Variants in BDP1 observed in about 807,000 individuals in gnomAD.
The protein encoded by BDP1 is BDP1 general transcription factor IIIB subunit.
In BDP1, 169 loss-of-function variants were observed where a neutral mutation model predicts 266.6. The observed-to-expected ratio is 0.63, with a 90% CI of 0.56 to 0.72. The LOEUF (loss-of-function observed/expected upper bound fraction) is 0.72, where lower values mean the gene tolerates loss of function less well. Ranked by LOEUF, BDP1 falls within the 30% of genes least tolerant of loss-of-function variation. The probability of loss-of-function intolerance (pLI) is 0.00; values close to 1 mark genes in which losing one functional copy is unlikely to be tolerated. For synonymous variants in BDP1, 1,090 were observed against 1,022.4 expected, an observed-to-expected ratio of 1.07 and a Z score of -1.26; for missense variants, 3,015 against 3,053.8, an observed-to-expected ratio of 0.99 and a Z score of 0.30.
At chr5:71,562,121 C>G (rs958693562) in intron 37 of BDP1, among the ~76,000 whole-genome samples, 153 bp from the exon 38 acceptor site, 4 of 140,594 alleles carry the variant, frequency 2.8e-5, no homozygotes, top group African/African-American at 1.1e-4. Context: ...TCTCTTGAAC[C>G]TGGGAGGTGG....
At chr5:71,531,303 T>C (rs114002524) in intron 25 of BDP1, among the ~76,000 whole-genome samples, 4 of 152,120 alleles carry the variant, frequency 2.6e-5, no homozygotes, top group African/African-American at 4.8e-5. Flanking sequence ...CCAGACTATA[T>C]TGTATGTATT....
intron 34 of BDP1, among the ~76,000 whole-genome samples, chr5:71,551,389 G>C (rs1172725837): frequency 6.6e-6 from 1 of 152,194 alleles, no homozygotes; most frequent in Non-Finnish European, 1.5e-5. Context: ...TCAACCCTGA[G>C]TGGACACAGC....
intron 25 of BDP1, among the ~76,000 whole-genome samples, chr5:71,524,629 ATTTATTTTTTATTTAT>A (rs1478340364): frequency 5.8e-5 from 8 of 138,890 alleles, no homozygotes; most frequent in South Asian, 2.5e-4. Context: ...TTTTTTATTT[ATTTATTTTTTATTTAT>A]TTTTTTTTAT....
chr5:71,467,089 T>C (rs1011669099), intron 5 of BDP1, among the ~76,000 whole-genome samples: 14 of 152,218 alleles, frequency 9.2e-5, no homozygotes, highest in African/African-American at 3.1e-4. Flanking sequence ...TACCGTTTTA[T>C]AATACGTAGC....
intron 9 of BDP1, 136 bp downstream of exon 9, chr5:71,486,763 G>A (rs947061367): frequency 4.5e-6 from 3 of 670,346 alleles, no homozygotes; most frequent in African/African-American, 3.8e-5. Flanking sequence ...GGGAGTATAT[G>A]TTTTTTCAAT....
chr5:71,467,916 T>A (rs376974113), intron 6 of BDP1, among the ~76,000 whole-genome samples: 2 of 152,116 alleles, frequency 1.3e-5, no homozygotes, highest in African/African-American at 4.8e-5. Context: ...CTTAGCTTAC[T>A]GCAGCCTTGA....
At position 71,532,343 on chromosome 5, in the gene BDP1, C is replaced by G. The variant is rs1766296168; in HGVS notation, c.5808C>G (p.Cys1936Trp). Residue 1936 changes from cysteine (C) to tryptophan (W), a missense_variant, in exon 26 of 39, where the codon TGC (cysteine) becomes TGG (tryptophan). This residue lies in a region of BDP1 where 2,383 missense variants were observed against 2,404.9 expected (regional missense o/e 0.99). Coordinates refer to ENST00000358731, the MANE Select transcript of BDP1 (RefSeq NM_018429.3). Reference sequence around the variant, plus strand: ...CTGTGAATGTCCCAGATGTAGGATGCATAGCTGTTGTTGAACATGAGCTAC... The same window carrying G: ...CTGTGAATGTCCCAGATGTAGGATGGATAGCTGTTGTTGAACATGAGCTAC... ...EITVNVPDVG[C>W]IAVVEHELPN... 6.2e-7 allele frequency: 1 copy of G among 1,613,132 alleles called. No homozygotes were observed.
downstream of BDP1, among the ~76,000 whole-genome samples, chr5:71,570,301 A>G (rs1744224599): frequency 6.6e-6 from 1 of 152,188 alleles, no homozygotes; most frequent in Admixed American, 6.5e-5. Context: ...ATGAATAACC[A>G]TAGTTCTCTC....
chr5:71,546,221 C>CA (rs1401421827), intron 32 of BDP1, among the ~76,000 whole-genome samples: 4 of 152,080 alleles, frequency 2.6e-5, no homozygotes, highest in Non-Finnish European at 5.9e-5. Flanking sequence ...TTAGAAGTTA[C>CA]AAAAATCTTA....
At chr5:71,472,322 G>A (rs556097105) in intron 7 of BDP1, among the ~76,000 whole-genome samples, 4 of 152,256 alleles carry the variant, frequency 2.6e-5, no homozygotes, top group Admixed American at 6.5e-5. Context: ...TTAGCCGGAC[G>A]TGGTGGCGCA....
At chr5:71,548,940 A>G (rs1397639846) in intron 33 of BDP1, among the ~76,000 whole-genome samples, 195 bp downstream of exon 33, 3 of 152,192 alleles carry the variant, frequency 2.0e-5, no homozygotes, top group East Asian at 1.9e-4. Context: ...TCTCCCTAGT[A>G]TATCACCTTT....
intron 26 of BDP1, among the ~76,000 whole-genome samples, chr5:71,534,381 A>G (rs1404737059): frequency 6.6e-6 from 1 of 152,200 alleles, no homozygotes; most frequent in Non-Finnish European, 1.5e-5. Flanking sequence ...CTTATCAAAA[A>G]TCAGCTGACC....
chr5:71,539,977 T>C (rs1385642472), intron 28 of BDP1, among the ~76,000 whole-genome samples: 1 of 152,110 alleles, frequency 6.6e-6, no homozygotes, highest in Non-Finnish European at 1.5e-5. Flanking sequence ...ACTGAGCTCA[T>C]TGATCACTGA....
intron 7 of BDP1, among the ~76,000 whole-genome samples, chr5:71,473,812 A>G (rs188827310): frequency 6.6e-6 from 1 of 151,312 alleles, no homozygotes; most frequent in Non-Finnish European, 1.5e-5. Flanking sequence ...TATATCTCCT[A>G]ATGCTATCCC....
intron 26 of BDP1, among the ~76,000 whole-genome samples, chr5:71,535,198 A>G (rs531375569): frequency 6.6e-6 from 1 of 151,764 alleles, no homozygotes; most frequent in African/African-American, 2.4e-5. Context: ...ATCATAAAAT[A>G]ACAATTTTTT....
intron 7 of BDP1, among the ~76,000 whole-genome samples, chr5:71,471,073 A>T (rs1762213653): frequency 6.6e-6 from 1 of 151,532 alleles, no homozygotes; most frequent in Non-Finnish European, 1.5e-5. Context: ...TGCAACTAAG[A>T]TATAAGAAGA....
At position 71,464,090 on chromosome 5, in the gene BDP1, A is replaced by G. The variant is rs772081735; in HGVS notation, c.632A>G (p.Lys211Arg). ...SSLEQEKKTE[K>R]PSTPVQTREQ... ...CTGGAACAAGAAAAGAAAACTGAAAAGCCATCGACTCCAGTCCAGACAAGA... is the reference window on the plus strand; with the variant it reads ...CTGGAACAAGAAAAGAAAACTGAAAGGCCATCGACTCCAGTCCAGACAAGA... Residue 211 changes from lysine to arginine, a missense_variant, in exon 4 of 39, where the codon AAG (lysine) becomes AGG (arginine). By Grantham distance (26) the Lys-to-Arg change is conservative (BLOSUM62 2). This residue lies in a region of BDP1 where 2,383 missense variants were observed against 2,404.9 expected (regional missense o/e 0.99). Transcript: ENST00000358731. The G allele has an allele frequency of 1.3e-6, 2 of 1,579,898 alleles. No individual in the cohort carries two copies. Among genetic ancestry groups the G allele is most frequent in the Non-Finnish European group, 1.7e-6 (2 of 1,160,946 alleles).
At chr5:71,487,575 C>A (rs2150404457) in intron 9 of BDP1, among the ~76,000 whole-genome samples, 1 of 152,166 alleles carries the variant, frequency 6.6e-6, no homozygotes, top group South Asian at 2.1e-4. Flanking sequence ...AAGAAACAGC[C>A]CCAGAGATCG....
chr5:71,495,449 A>T (rs1300934122), intron 12 of BDP1, 41 bp downstream of exon 12: 17 of 1,399,514 alleles, frequency 1.2e-5, no homozygotes, highest in Non-Finnish European at 1.7e-5. Context: ...TAAAATTTTG[A>T]TAAGGTTCTT....
Sources: allele counts gnomAD v4.1 joint callset (sites outside exome capture counted in the v4.1 genomes callset), GRCh38; gene constraint gnomAD v4.1.1; regional missense constraint gnomAD v4.1.1; transcripts MANE v1.5; gene names NCBI Gene and HGNC (gene_info 2026-07-23, HGNC 2026-07-21).